Variants in B3GALT1 observed in about 807,000 individuals in gnomAD.
The protein encoded by B3GALT1 is beta-1,3-galactosyltransferase 1.
A neutral mutation model predicts 23.2 loss-of-function variants in B3GALT1; 10 were observed. The ratio of observed to expected loss-of-function variants is 0.43; its 90% CI spans 0.27 to 0.73. B3GALT1 has a LOEUF of 0.73. Among genes scored for constraint, B3GALT1 ranks in the 30% least tolerant of loss-of-function variants. The pLI is 0.21. For missense variants in B3GALT1, 299 were observed against 405.4 expected (o/e 0.74, Z 2.25); for synonymous variants, 156 against 141.5 (o/e 1.10, Z -0.73).
intron 1 of B3GALT1, among the ~76,000 whole-genome samples, chr2:167,420,277 T>C (rs1698526688): frequency 6.6e-6 from 1 of 152,196 alleles, no homozygotes; most frequent in East Asian, 1.9e-4. Flanking sequence ...TAAGACCCAC[T>C]GAAGCTCAAT....
intron 1 of B3GALT1, among the ~76,000 whole-genome samples, chr2:167,305,218 T>A (rs577515639): frequency 6.6e-6 from 1 of 152,280 alleles, no homozygotes; most frequent in Non-Finnish European, 1.5e-5. Context: ...AAATATTTTC[T>A]CACCAATTTT....
intron 3 of B3GALT1, among the ~76,000 whole-genome samples, chr2:167,808,699 C>T (rs1453931641): frequency 6.6e-6 from 1 of 151,846 alleles, no homozygotes; most frequent in Non-Finnish European, 1.5e-5. Context: ...TGACCTTTCT[C>T]TCTGGCTGCC....
chr2:167,315,204 A>G (rs60205651), intron 1 of B3GALT1, among the ~76,000 whole-genome samples: 1,764 of 152,268 alleles, frequency 0.012, 23 homozygotes, highest in Admixed American at 0.033. Context: ...ACGTCAACCC[A>G]TATTTAAAAT....
At chr2:167,809,554 G>C (rs1373853480) in intron 3 of B3GALT1, among the ~76,000 whole-genome samples, 1 of 152,214 alleles carries the variant, frequency 6.6e-6, no homozygotes, top group African/African-American at 2.4e-5. Flanking sequence ...GTCTACTCCA[G>C]ACCCTGTTTG....
At chr2:167,814,202 A>G (rs1161256549) in intron 3 of B3GALT1, among the ~76,000 whole-genome samples, 1 of 152,190 alleles carries the variant, frequency 6.6e-6, no homozygotes, top group Non-Finnish European at 1.5e-5. Context: ...CTTATTAGAT[A>G]CTTCTTTGAT....
chr2:167,825,023 T>A (rs1447027022), intron 4 of B3GALT1, among the ~76,000 whole-genome samples: 1 of 151,862 alleles, frequency 6.6e-6, no homozygotes, highest in Non-Finnish European at 1.5e-5. Context: ...CAAGCAAAAC[T>A]GCCTGTAATC....
rs143446497 is a variant in B3GALT1 at position 167,826,108 on chromosome 2, C to T, written c.-230+7315C>T. On this transcript the variant is annotated intron_variant, in intron 4 of 4. Transcript: ENST00000392690. ...TCTTCAGCTGAGAAGAGTAGCAGACCCTCACCTCTGCATTTGGTTTCTACA... is the reference window on the plus strand; with the variant it reads ...TCTTCAGCTGAGAAGAGTAGCAGACTCTCACCTCTGCATTTGGTTTCTACA... Among the ~76,000 whole-genome samples the T allele has an allele frequency of 5.9e-5, 9 of 152,166 alleles. 1 individual carries two copies. The highest frequency in any genetic ancestry group is 1.7e-4 in the African/African-American group (7 of 41,510).
At chr2:167,527,791 A>G (rs1010760663) in intron 2 of B3GALT1, among the ~76,000 whole-genome samples, 4 of 152,178 alleles carry the variant, frequency 2.6e-5, no homozygotes, top group Admixed American at 6.6e-5. Context: ...TATATGGTCA[A>G]GTGGTTTTCT....
intron 2 of B3GALT1, among the ~76,000 whole-genome samples, chr2:167,625,140 A>C (rs1210659985): frequency 6.6e-6 from 1 of 151,966 alleles, no homozygotes. Flanking sequence ...TACAGACTAA[A>C]GTGCAGGTAA....
At chr2:167,449,663 C>T (rs1699056283) in intron 1 of B3GALT1, among the ~76,000 whole-genome samples, 1 of 152,114 alleles carries the variant, frequency 6.6e-6, no homozygotes, top group African/African-American at 2.4e-5. Context: ...GTATCCTTGT[C>T]TAGTTCCAGT....
chr2:167,803,408 C>T (rs1688679277), intron 3 of B3GALT1, among the ~76,000 whole-genome samples: 1 of 152,098 alleles, frequency 6.6e-6, no homozygotes, highest in Admixed American at 6.5e-5. Flanking sequence ...CATTACTTTA[C>T]AAAAATAAAA....
intron 2 of B3GALT1, among the ~76,000 whole-genome samples, chr2:167,525,495 A>T (rs764258873): frequency 7.9e-5 from 12 of 152,096 alleles, no homozygotes; most frequent in Non-Finnish European, 1.2e-4. Flanking sequence ...TTATATATTT[A>T]TTCAGTCATT....
chr2:167,673,659 A>C (rs896804193), intron 3 of B3GALT1, among the ~76,000 whole-genome samples: 1 of 151,982 alleles, frequency 6.6e-6, no homozygotes, highest in South Asian at 2.1e-4. Flanking sequence ...TATATTGAGA[A>C]CCCAAAAGGG....
chr2:167,666,548 G>A (rs1471582422), intron 3 of B3GALT1, among the ~76,000 whole-genome samples: 1 of 151,224 alleles, frequency 6.6e-6, no homozygotes, highest in Non-Finnish European at 1.5e-5. Flanking sequence ...TTGACAGTGG[G>A]GTGTTAAAGT....
chr2:167,813,161 CA>C (rs776855771), intron 3 of B3GALT1, among the ~76,000 whole-genome samples: 1 of 152,096 alleles, frequency 6.6e-6, no homozygotes, highest in Non-Finnish European at 1.5e-5. Flanking sequence ...TTGAATGAAG[CA>C]ATGAATATAA....
rs1285347269 is a variant in B3GALT1 at position 167,873,027 on chromosome 2, CT to C, written c.*3011del. On this transcript the variant is annotated 3_prime_UTR_variant, in exon 5 of 5. Transcript: ENST00000392690. ...ATCAAGAAAAAGCTCTAACTTTCGACTTTTGTTAATTTTATGACATGACACT... is the reference window on the plus strand; with the variant it reads ...ATCAAGAAAAAGCTCTAACTTTCGACTTTGTTAATTTTATGACATGACACT... The C allele has an allele frequency of 6.6e-6, 1 of 152,128 alleles. No individual in the cohort carries two copies. The highest frequency in any genetic ancestry group is 1.5e-5 in the Non-Finnish European group (1 of 68,008). 9.4% of individuals were successfully genotyped at this position (152,128 alleles called of 1,614,324 possible).
At chr2:167,796,638 A>G (rs1377837889) in intron 3 of B3GALT1, among the ~76,000 whole-genome samples, 1 of 151,614 alleles carries the variant, frequency 6.6e-6, no homozygotes, top group African/African-American at 2.4e-5. Flanking sequence ...AATCCCAGCT[A>G]TTCGGGAGGC....
At chr2:167,335,187 G>C (rs998896415) in intron 1 of B3GALT1, among the ~76,000 whole-genome samples, 1 of 147,132 alleles carries the variant, frequency 6.8e-6, no homozygotes, top group African/African-American at 2.5e-5. Flanking sequence ...TTTCTCAAAA[G>C]AAAAAAAAAC....
chr2:167,863,818 GTTTCT>G (rs1186838310), intron 4 of B3GALT1, among the ~76,000 whole-genome samples: 1 of 152,104 alleles, frequency 6.6e-6, no homozygotes, highest in Non-Finnish European at 1.5e-5. Context: ...TTTTCAGCAA[GTTTCT>G]TTTCAGACTT....
Sources: gnomAD v4.1 joint callset for allele counts (sites outside exome capture counted in the v4.1 genomes callset) on GRCh38, gnomAD v4.1.1 for gene constraint, MANE v1.5 for transcripts, NCBI Gene and HGNC (gene_info 2026-07-23, HGNC 2026-07-21) for gene names.